Variants in KHDRBS2 observed in about 807,000 individuals in gnomAD.
The protein encoded by KHDRBS2 is KH RNA binding domain containing, signal transduction associated 2.
A neutral mutation model predicts 44.3 loss-of-function variants in KHDRBS2; 26 were observed. The ratio of observed to expected loss-of-function variants is 0.59; its 90% CI spans 0.43 to 0.81. The LOEUF (loss-of-function observed/expected upper bound fraction) is 0.81. Ranked by LOEUF, KHDRBS2 falls within the 40% of genes least tolerant of loss-of-function variation. The probability of loss-of-function intolerance (pLI) is 0.00; values close to 1 mark genes in which losing one functional copy is unlikely to be tolerated. For missense variants in KHDRBS2, 476 were observed against 433.1 expected (o/e 1.10, Z -0.88); for synonymous variants, 194 against 151.1 (o/e 1.28, Z -2.08).
chr6:61,589,931 C>T, the KHDRBS2 span, among the ~76,000 whole-genome samples: 1 of 152,040 alleles, frequency 6.6e-6, no homozygotes, highest in African/African-American at 2.4e-5. Context: ...TTTCAAATTC[C>T]CAAATGATCA....
chr6:62,269,907 A>C, intron 1 of KHDRBS2, among the ~76,000 whole-genome samples: 1 of 152,148 alleles, frequency 6.6e-6, no homozygotes, highest in Non-Finnish European at 1.5e-5. Context: ...CTATAAAAGA[A>C]ATAAACTATT....
In KHDRBS2 at chr6:61,856,569, AG is replaced by A. The variant is rs1296421771; in HGVS notation, c.810+38065del. On this transcript the variant is annotated intron_variant, in intron 6 of 8. Coordinates refer to ENST00000281156, the MANE Select transcript of KHDRBS2 (RefSeq NM_152688.4). ...GATTGCTTTTTTTTTTTCTAAAAAA[AG>A]AATTGTGAAGTATTTCTTATTTTCA... 2.6e-5 allele frequency among the ~76,000 whole-genome samples: 4 copies of A among 152,014 alleles called. No individual in the cohort carries two copies. In the East Asian group the frequency reaches 7.7e-4, roughly 29 times the overall value.
intron 6 of KHDRBS2, among the ~76,000 whole-genome samples, chr6:61,839,978 C>G (rs1653779042): frequency 6.6e-6 from 1 of 151,996 alleles, no homozygotes; most frequent in African/African-American, 2.4e-5. Context: ...TATTTATGCA[C>G]TAATGATTAA....
chr6:62,064,195 G>A (rs1213545102), intron 2 of KHDRBS2, among the ~76,000 whole-genome samples: 1 of 122,560 alleles, frequency 8.2e-6, no homozygotes, highest in Non-Finnish European at 1.8e-5. Context: ...TGTGAAAATG[G>A]CCATACTGCC....
Position 61,680,340 on chromosome 6 carries a change from G to GT in KHDRBS2, c.*622dup, listed in dbSNP as rs113158530. 0.14 allele frequency: 21,733 copies of GT among 150,400 alleles called. 2,040 individuals are homozygous for GT. The highest frequency in any genetic ancestry group is 0.27 in the South Asian group (1,287 of 4,772). 9.3% of individuals were successfully genotyped at this position (150,400 alleles called of 1,614,324 possible). On this transcript the variant is annotated 3_prime_UTR_variant, in exon 9 of 9. Coordinates refer to ENST00000281156, the MANE Select transcript of KHDRBS2 (RefSeq NM_152688.4). ...AGCTTACACATGGAACTTTATGTGT[G>GT]TTTTTTTTTCTTTTTTAACAAATAC... is the stretch of plus-strand genomic sequence containing the variant.
the KHDRBS2 span, among the ~76,000 whole-genome samples, chr6:61,646,348 C>T: frequency 1.3e-5 from 2 of 152,174 alleles, no homozygotes; most frequent in South Asian, 2.1e-4. Context: ...GTGTCCAGAT[C>T]CCTTGGCTCC....
the KHDRBS2 span, among the ~76,000 whole-genome samples, chr6:61,542,955 T>G: frequency 2.0e-5 from 3 of 151,944 alleles, no homozygotes; most frequent in Admixed American, 6.6e-5. Flanking sequence ...TAGCAATTAT[T>G]CTATAAGCTG....
chr6:61,670,214 G>T, the KHDRBS2 span, among the ~76,000 whole-genome samples: 61,556 of 150,932 alleles, frequency 0.41, 12,958 homozygotes, highest in Middle Eastern at 0.52. Context: ...AAAGTACTAA[G>T]TTCCCATTAA....
intron 6 of KHDRBS2, among the ~76,000 whole-genome samples, chr6:61,800,868 A>G (rs1216280009): frequency 6.6e-6 from 1 of 152,100 alleles, no homozygotes; most frequent in Non-Finnish European, 1.5e-5. Flanking sequence ...CCAAACACCT[A>G]TGACTAAGGC....
intron 2 of KHDRBS2, among the ~76,000 whole-genome samples, chr6:62,105,333 T>A (rs1259756133): frequency 6.6e-6 from 1 of 152,180 alleles, no homozygotes. Context: ...AAATATCCCT[T>A]ATGAACATAA....
At chr6:62,142,788 G>A (rs930819707) in intron 2 of KHDRBS2, among the ~76,000 whole-genome samples, 2 of 151,390 alleles carry the variant, frequency 1.3e-5, no homozygotes, top group African/African-American at 2.4e-5. Context: ...AAACAAGCAG[G>A]TGGCAAAATA....
At chr6:61,907,523 T>C (rs372580157) in intron 4 of KHDRBS2, among the ~76,000 whole-genome samples, 1 of 152,298 alleles carries the variant, frequency 6.6e-6, no homozygotes, top group South Asian at 2.1e-4. Context: ...TTTCTTTTAG[T>C]AGTTTCATAG....
intron 4 of KHDRBS2, among the ~76,000 whole-genome samples, chr6:61,913,648 T>A (rs994653898): frequency 6.6e-6 from 1 of 151,818 alleles, no homozygotes; most frequent in African/African-American, 2.4e-5. Context: ...GAATAAGTAA[T>A]CTTAGTTCAG....
At chr6:61,787,956 C>A (rs575534441) in intron 6 of KHDRBS2, among the ~76,000 whole-genome samples, 1 of 151,538 alleles carries the variant, frequency 6.6e-6, no homozygotes, top group Non-Finnish European at 1.5e-5. Context: ...AACACATAGG[C>A]GTGCACCACA....
At chr6:62,098,882 A>C (rs1801237433) in intron 2 of KHDRBS2, among the ~76,000 whole-genome samples, 1 of 151,910 alleles carries the variant, frequency 6.6e-6, no homozygotes, top group South Asian at 2.1e-4. Context: ...CTTTGGGCTC[A>C]CTATTTTTTT....
intron 3 of KHDRBS2, among the ~76,000 whole-genome samples, chr6:62,042,932 G>A (rs541006445): frequency 4.0e-4 from 61 of 152,096 alleles, no homozygotes; most frequent in South Asian, 3.9e-3. Context: ...ACCCCATTTC[G>A]TAATTTCAGC....
At chr6:61,593,622 C>A in the KHDRBS2 span, among the ~76,000 whole-genome samples, 33 of 151,922 alleles carry the variant, frequency 2.2e-4, no homozygotes, top group African/African-American at 7.5e-4. Context: ...TAAAGTGCAG[C>A]AAGAATAGTA....
At chr6:61,969,677 G>A (rs578219768) in intron 4 of KHDRBS2, among the ~76,000 whole-genome samples, 194 of 152,010 alleles carry the variant, frequency 1.3e-3, no homozygotes, top group Non-Finnish European at 2.2e-3. Flanking sequence ...GAACAGAAGA[G>A]GATTAAAATG....
intron 6 of KHDRBS2, among the ~76,000 whole-genome samples, chr6:61,775,231 C>A (rs1781748878): frequency 6.6e-6 from 1 of 152,024 alleles, no homozygotes; most frequent in Non-Finnish European, 1.5e-5. Flanking sequence ...AAAATGGGCA[C>A]AAGACAGGGA....
Sources: gnomAD v4.1 joint callset for allele counts (sites outside exome capture counted in the v4.1 genomes callset) on GRCh38, gnomAD v4.1.1 for gene constraint, MANE v1.5 for transcripts, NCBI Gene and HGNC (gene_info 2026-07-23, HGNC 2026-07-21) for gene names.